LYPD3: variants seen among roughly 807,000 people sequenced by gnomAD.
LYPD3 encodes LY6/PLAUR domain containing 3.
LYPD3 carries 22 observed loss-of-function variants against 21.7 expected under a neutral mutation model. That is an observed-to-expected ratio of 1.01 (90% CI 0.72 to 1.45). LYPD3 has a LOEUF of 1.45. LYPD3 is among the 40% of genes most tolerant of loss of function. LYPD3 has a pLI of 0.00. For missense variants in LYPD3, 471 were observed against 466.9 expected (o/e 1.01, Z -0.08); for synonymous variants, 179 against 203.0 (o/e 0.88, Z 1.00).
In LYPD3 at chr19:43,463,233, A is replaced by G; in HGVS notation, c.437T>C (p.Leu146Pro). 2.5e-6 allele frequency: 4 copies of G among 1,607,672 alleles called. No individual in the cohort carries two copies. Among genetic ancestry groups the G allele is most frequent in the Non-Finnish European group, 2.5e-6 (3 of 1,179,986 alleles). ...NGVECYSCVG[L>P]SREACQGTSP... ...TGTACCCTGGCACGCCTCCCGGCTC[A>G]GGCCCACACAGCTGTAGCACTCCAC... The change falls in exon 4 of 5, where the codon CTG becomes CCG. Residue 146 changes from leucine to proline, a missense_variant. Coordinates refer to ENST00000244333, the MANE Select transcript of LYPD3 (RefSeq NM_014400.3).
chr19:43,461,948 C>T (rs925292691), intron 4 of LYPD3, 101 bp from the exon 5 acceptor site: 10 of 1,334,470 alleles, frequency 7.5e-6, no homozygotes, highest in East Asian at 2.4e-5. Flanking sequence ...AGAACCTGAC[C>T]GGGCGTGGTG....
intron 3 of LYPD3, 45 bp downstream of exon 3, chr19:43,463,554 C>A (rs561074477): frequency 1.3e-6 from 2 of 1,590,680 alleles, no homozygotes; most frequent in African/African-American, 1.3e-5. Context: ...TTGGCAGGCC[C>A]GAATGTGGCT....
At position 43,461,842 on chromosome 19, in the gene LYPD3, C is replaced by T. The variant is rs777217934; in HGVS notation, c.550G>A (p.Val184Met). ...DGNVTLTAAN[V>M]TVSLPVRGCV... ...CCCCGGACAGGCAAGGACACAGTCACATTAGCTGCAGGAAGGAGACACAGA... is the reference window on the plus strand; with the variant it reads ...CCCCGGACAGGCAAGGACACAGTCATATTAGCTGCAGGAAGGAGACACAGA... The change falls in exon 5 of 5, where the codon GTG becomes ATG. Residue 184 changes from valine (V) to methionine (M), a missense_variant. Coordinates refer to ENST00000244333, the MANE Select transcript of LYPD3 (RefSeq NM_014400.3). 1 of 1,603,872 alleles carries T rather than the reference C, an allele frequency of 6.2e-7. No individual in the cohort carries two copies. Among genetic ancestry groups the T allele is most frequent in the East Asian group, 2.2e-5 (1 of 44,578 alleles).
At position 43,464,312 on chromosome 19, in the gene LYPD3, G is replaced by T. The variant is rs1295149588; in HGVS notation, c.211+13C>A. On this transcript the variant is annotated intron_variant, in intron 2 of 4. Coordinates refer to ENST00000244333, the MANE Select transcript of LYPD3 (RefSeq NM_014400.3). ...CCTGCAGTGGTGTGCGTGGCCCGGG[G>T]GTCCCCACTCACTGGTCTCCACCGC... 4 of 1,595,332 alleles carry T rather than the reference G, an allele frequency of 2.5e-6. No individual in the cohort carries two copies. The Admixed American group carries it at 5.3e-5, about 21-fold the overall frequency.
chr19:43,465,359 G>T (rs574739602), intron 1 of LYPD3, 134 bp downstream of exon 1: 1 of 973,130 alleles, frequency 1.0e-6, no homozygotes, highest in Non-Finnish European at 1.5e-6. Context: ...TGCTTAGGAT[G>T]GGGGAACTTT....
At position 43,461,468 on chromosome 19, in the gene LYPD3, A is replaced by G. The variant is rs1328521063; in HGVS notation, c.924T>C (p.Asn308=). 1 of 1,614,114 alleles carries G rather than the reference A, an allele frequency of 6.2e-7. No homozygotes were observed. The highest frequency in any genetic ancestry group is 1.1e-5 in the South Asian group (1 of 91,082). ...CCCCTTTTGCAGGATACTGCCCTGA[A>G]TTGCTGCGGTCCTGGTGGCCAGCGG... is the stretch of plus-strand genomic sequence containing the variant. ...GGAAGHQDRS[N]SGQYPAKGGP... The change falls in exon 5 of 5, where the codon AAT becomes AAC. Residue 308 remains asparagine, a synonymous_variant. Transcript: ENST00000244333.
chr19:43,461,208 C>T lies in LYPD3; in HGVS notation c.*143G>A. The T allele has an allele frequency of 2.0e-6, 2 of 1,002,130 alleles. No individual in the cohort carries two copies. The highest frequency in any genetic ancestry group is 1.4e-6 in the Non-Finnish European group (1 of 694,822). 62.1% of individuals were successfully genotyped at this position (1,002,130 alleles called of 1,614,324 possible). ...TATTTCCCAAAGCCGCAAACCAGCG[C>T]AGCAGAAGCTGGGGATACTGGGGAA... On this transcript the variant is annotated 3_prime_UTR_variant, in exon 5 of 5. Coordinates refer to ENST00000244333, the MANE Select transcript of LYPD3 (RefSeq NM_014400.3).
At chr19:43,463,061 C>A in intron 4 of LYPD3, 65 bp downstream of exon 4, 1 of 1,568,058 alleles carries the variant, frequency 6.4e-7, no homozygotes, top group Admixed American at 1.7e-5. Context: ...GGCTCCCTAC[C>A]GCCCAGGGTG....
chr19:43,465,391 T>C, intron 1 of LYPD3, 102 bp downstream of exon 1: 1 of 1,360,048 alleles, frequency 7.4e-7, no homozygotes, highest in South Asian at 1.3e-5. Context: ...CCTCTGCTTA[T>C]GTGGGGATCC....
chr19:43,461,965 G>T (rs889285172), intron 4 of LYPD3, 118 bp from the exon 5 acceptor site: 3 of 1,074,072 alleles, frequency 2.8e-6, no homozygotes, highest in Non-Finnish European at 4.0e-6. Context: ...GGTGGCTCAC[G>T]CCTGTAATCC....
chr19:43,464,092 C>A (rs986479769), intron 2 of LYPD3: 2 of 657,966 alleles, frequency 3.0e-6, no homozygotes, highest in Admixed American at 5.9e-5. Context: ...GTTCCAAACC[C>A]GAGCTCTCCC....
rs756913776 is a variant in LYPD3, at chr19:43,464,467, G to A, written c.80-11C>T. The A allele has an allele frequency of 2.2e-5, 36 of 1,613,866 alleles. No individual in the cohort carries two copies. The South Asian group carries it at 3.5e-4, about 16-fold the overall frequency. On this transcript the variant is annotated splice_polypyrimidine_tract_variant and intron_variant, in intron 1 of 4. Coordinates refer to ENST00000244333, the MANE Select transcript of LYPD3 (RefSeq NM_014400.3). ...CCAGGGCCTGCGCTCCTGGGGGAGC[G>A]GAGCCGAATAGACCTGAGCCCTCCT...
chr19:43,464,314 TC>T lies in LYPD3; in HGVS notation c.211+10del. 6.3e-7 allele frequency: 1 copy of T among 1,593,536 alleles called. No individual in the cohort carries two copies. The highest frequency in any genetic ancestry group is 8.5e-7 in the Non-Finnish European group (1 of 1,171,488). ...TGCAGTGGTGTGCGTGGCCCGGGGG[TC>T]CCCACTCACTGGTCTCCACCGCCCC... On this transcript the variant is annotated intron_variant, in intron 2 of 4. Transcript: ENST00000244333.
Position 43,461,801 on chromosome 19 carries a change from T to C in LYPD3, c.591A>G (p.Glu197=), listed in dbSNP as rs775506674. Residue 197 remains glutamate, a synonymous_variant, in exon 5 of 5, where the codon GAA becomes GAG. Transcript: ENST00000244333. ...SLPVRGCVQD[E]FCTRDGVTGP... The stretch of plus-strand genomic sequence containing the variant: ...CTGTTACTCCATCCCGAGTGCAGAA[T>C]TCATCCTGGACACAGCCCCGGACAG... The C allele has an allele frequency of 7.4e-6, 12 of 1,613,814 alleles. No individual in the cohort carries two copies. The highest frequency in any genetic ancestry group is 9.3e-6 in the Non-Finnish European group (11 of 1,179,914).
chr19:43,464,350 G>A lies in LYPD3; in HGVS notation c.186C>T (p.Thr62=), dbSNP rs140816903. 5.3e-5 allele frequency: 85 copies of A among 1,612,614 alleles called. No individual in the cohort carries two copies. In the African/African-American group the frequency reaches 1.1e-3, roughly 20 times the overall value. The part of the protein sequence containing the change: ...VKCAPGVDVC[T]EAVGAVETIH... Reference sequence around the variant, plus strand: ...TGGTCTCCACCGCCCCCACGGCCTCGGTGCAGACGTCCACGCCCGGCGCGC... The same window carrying A: ...TGGTCTCCACCGCCCCCACGGCCTCAGTGCAGACGTCCACGCCCGGCGCGC... The change falls in exon 2 of 5, where the codon ACC becomes ACT. Residue 62 remains threonine (T), a synonymous_variant. Coordinates refer to ENST00000244333, the MANE Select transcript of LYPD3 (RefSeq NM_014400.3).
chr19:43,465,375 C>A, intron 1 of LYPD3, 118 bp downstream of exon 1: 1 of 1,178,062 alleles, frequency 8.5e-7, no homozygotes, highest in Non-Finnish European at 1.2e-6. Context: ...ACTTTGCCCA[C>A]AGTGCCCTCT....
rs1430983339 is a variant in LYPD3 at position 43,461,767 on chromosome 19, AC to A, written c.624del (p.Phe209SerfsTer55). 3 of 1,613,744 alleles carry A rather than the reference AC, an allele frequency of 1.9e-6. No homozygotes were observed. The highest frequency in any genetic ancestry group is 1.7e-6 in the Non-Finnish European group (2 of 1,179,962). Reference protein sequence around the residue: ...FCTRDGVTGPGFTLSGSCCQG... With the variant: ...FCTRDGVTGPXFTLSGSCCQG... Reference sequence around the variant, plus strand: ...TGGCAACAGGAGCCACTGAGCGTGAACCCTGGGCCTGTTACTCCATCCCGAG... The same window carrying A: ...TGGCAACAGGAGCCACTGAGCGTGAACCTGGGCCTGTTACTCCATCCCGAG... On this transcript the variant is annotated frameshift_variant, in exon 5 of 5. Coordinates refer to ENST00000244333, the MANE Select transcript of LYPD3 (RefSeq NM_014400.3). LOFTEE classifies it low-confidence loss of function (END_TRUNC).
Position 43,461,274 on chromosome 19 carries a change from G to T in LYPD3, c.*77C>A. 1.4e-6 allele frequency: 2 copies of T among 1,443,912 alleles called. No individual in the cohort carries two copies. Among genetic ancestry groups the T allele is most frequent in the Non-Finnish European group, 1.8e-6 (2 of 1,086,582 alleles). The allele number at this position is 1,443,912 out of a possible 1,614,324, so 89.4% of individuals were successfully genotyped here. On this transcript the variant is annotated 3_prime_UTR_variant, in exon 5 of 5. Coordinates refer to ENST00000244333, the MANE Select transcript of LYPD3 (RefSeq NM_014400.3). ...GGCTGGGCCAGCCCAGTCCAGTGGT[G>T]GGAACAGGAAGTGATGAGAAGAGGG...
At chr19:43,464,157 AG>A in intron 2 of LYPD3, 167 bp downstream of exon 2, 1 of 909,376 alleles carries the variant, frequency 1.1e-6, no homozygotes. Context: ...AATTGTTAAT[AG>A]AGAAGGCCTG....
Sources: allele counts gnomAD v4.1 joint callset, GRCh38; gene constraint gnomAD v4.1.1; transcripts MANE v1.5; gene names NCBI Gene and HGNC (gene_info 2026-07-23, HGNC 2026-07-21).